Variants in MIGA1 observed in about 807,000 individuals in gnomAD.
MIGA1 encodes family with sequence similarity 73, member A.
A neutral mutation model predicts 82.0 loss-of-function variants in MIGA1; 58 were observed. The ratio of observed to expected loss-of-function variants is 0.71; its 90% CI spans 0.57 to 0.88. The LOEUF is 0.88. Among genes scored for constraint, MIGA1 ranks in the 40% least tolerant of loss-of-function variants. The pLI, the probability that MIGA1 is intolerant of heterozygous loss-of-function variation, is 0.00. For missense variants in MIGA1, 751 were observed against 749.1 expected (o/e 1.00, Z -0.03); for synonymous variants, 249 against 253.6 (o/e 0.98, Z 0.17).
chr1:77,832,661 A>G (rs1684283353), intron 7 of MIGA1, among the ~76,000 whole-genome samples: 3 of 152,212 alleles, frequency 2.0e-5, no homozygotes, highest in Admixed American at 6.5e-5. Flanking sequence ...TTAGGGAACT[A>G]CAAGTTCTTT....
intron 7 of MIGA1, among the ~76,000 whole-genome samples, chr1:77,821,728 A>G (rs538021517): frequency 6.6e-6 from 1 of 152,266 alleles, no homozygotes; most frequent in East Asian, 1.9e-4. Flanking sequence ...CATCTAACGT[A>G]TTAATTATTC....
intron 2 of MIGA1, among the ~76,000 whole-genome samples, chr1:77,794,657 T>C (rs1682578675): frequency 6.6e-6 from 1 of 152,158 alleles, no homozygotes; most frequent in Admixed American, 6.5e-5. Context: ...GGAGGATTAC[T>C]TGAACACAGT....
intron 7 of MIGA1, among the ~76,000 whole-genome samples, chr1:77,817,607 A>G (rs1335769082): frequency 6.6e-6 from 1 of 152,202 alleles, no homozygotes; most frequent in Non-Finnish European, 1.5e-5. Context: ...GCAAGTTTGC[A>G]TTTTTGAACT....
At position 77,779,733 on chromosome 1, in the gene MIGA1, C is replaced by T. The variant is rs1224652352; in HGVS notation, c.78C>T (p.Leu26=). The change falls in exon 1 of 16, where the codon CTC becomes CTT. Residue 26 remains leucine (L), a synonymous_variant. Coordinates refer to ENST00000370791, the MANE Select transcript of MIGA1 (RefSeq NM_198549.4). ...GGCCAGCTGTACCTGGCCTGGAGCT[C>T]CAGGTACAGGGCCAGGGGCGGGGTG... 7 of 1,571,502 alleles carry T rather than the reference C, an allele frequency of 4.5e-6. No homozygotes were observed. The highest frequency in any genetic ancestry group is 6.0e-6 in the Non-Finnish European group (7 of 1,158,672).
At chr1:77,802,185 A>T (rs1384270282) in intron 3 of MIGA1, among the ~76,000 whole-genome samples, 1 of 152,150 alleles carries the variant, frequency 6.6e-6, no homozygotes, top group Non-Finnish European at 1.5e-5. Context: ...TGCTTTTGTG[A>T]GTCATCTGTC....
chr1:77,783,751 A>T (rs1295305231), intron 2 of MIGA1, among the ~76,000 whole-genome samples: 1 of 152,210 alleles, frequency 6.6e-6, no homozygotes, highest in Non-Finnish European at 1.5e-5. Flanking sequence ...GTACATTCAC[A>T]TTGTTGTACA....
intron 3 of MIGA1, among the ~76,000 whole-genome samples, chr1:77,801,864 A>T (rs1431518082): frequency 1.3e-5 from 2 of 152,182 alleles, no homozygotes; most frequent in Non-Finnish European, 2.9e-5. Context: ...AAGATATTTG[A>T]CAGTGTGGAA....
chr1:77,792,857 C>T (rs555251821), intron 2 of MIGA1, among the ~76,000 whole-genome samples: 1 of 147,612 alleles, frequency 6.8e-6, no homozygotes, highest in East Asian at 2.0e-4. Context: ...GGCGCGATCT[C>T]AGCTCACTGC....
Position 77,843,445 on chromosome 1 carries a change from T to C in MIGA1, c.996+38T>C, listed in dbSNP as rs372543451. 44 of 1,491,258 alleles carry C rather than the reference T, an allele frequency of 3.0e-5. 1 individual carries two copies. The African/African-American group carries it at 3.2e-4, about 11-fold the overall frequency. The allele number at this position is 1,491,258 out of a possible 1,614,324, so 92.4% of individuals were successfully genotyped here. A position where few individuals can be genotyped will look rare whatever the true frequency, so the allele number is the denominator to read the frequency against. On this transcript the variant is annotated intron_variant, in intron 8 of 15. Transcript: ENST00000370791. ...TGTTCCTAATGAGGATTTCTGTTTCTTTTTTGGTGGAAACAACAGTCTTGT... is the reference window on the plus strand; with the variant it reads ...TGTTCCTAATGAGGATTTCTGTTTCCTTTTTGGTGGAAACAACAGTCTTGT...
intron 2 of MIGA1, among the ~76,000 whole-genome samples, chr1:77,796,572 A>G (rs561060027): frequency 1.2e-4 from 19 of 152,246 alleles, no homozygotes; most frequent in African/African-American, 4.3e-4. Flanking sequence ...ACAGGCAGGT[A>G]CCACTGCAGT....
At chr1:77,850,381 CCCAATTT>C (rs1382375847) in intron 8 of MIGA1, among the ~76,000 whole-genome samples, 1 of 152,130 alleles carries the variant, frequency 6.6e-6, no homozygotes. Flanking sequence ...TCATTGAAGA[CCCAATTT>C]GGAGGGTGGC....
chr1:77,787,071 G>A (rs1189548869), intron 2 of MIGA1, among the ~76,000 whole-genome samples: 2 of 152,204 alleles, frequency 1.3e-5, no homozygotes, highest in Admixed American at 6.5e-5. Flanking sequence ...CATGGCAGCC[G>A]CAAGAGAGAG....
At chr1:77,865,117 G>A (rs1192975037) in intron 13 of MIGA1, among the ~76,000 whole-genome samples, 1 of 151,602 alleles carries the variant, frequency 6.6e-6, no homozygotes, top group East Asian at 1.9e-4. Context: ...TCATGCCAGA[G>A]TGGGGTCAGA....
At chr1:77,841,995 T>C (rs1392392939) in intron 7 of MIGA1, among the ~76,000 whole-genome samples, 1 of 150,636 alleles carries the variant, frequency 6.6e-6, no homozygotes, top group East Asian at 2.0e-4. Flanking sequence ...TTTCCCAGGC[T>C]GGTCTCAAAA....
intron 2 of MIGA1, among the ~76,000 whole-genome samples, chr1:77,790,710 A>G (rs949291055): frequency 4.7e-5 from 7 of 150,074 alleles, no homozygotes; most frequent in Non-Finnish European, 3.0e-5. Flanking sequence ...CCTCAGCCCC[A>G]TGAGTAGCTG....
intron 2 of MIGA1, among the ~76,000 whole-genome samples, chr1:77,785,436 C>T (rs190204619): frequency 9.2e-5 from 14 of 152,108 alleles, no homozygotes; most frequent in Non-Finnish European, 1.5e-4. Flanking sequence ...CTCTGCCTCC[C>T]GAGTTCAAGC....
At position 77,803,309 on chromosome 1, in the gene MIGA1, C is replaced by T; in HGVS notation, c.413C>T (p.Ser138Phe). 1 of 1,551,176 alleles carries T rather than the reference C, an allele frequency of 6.4e-7. No homozygotes were observed. Among genetic ancestry groups the T allele is most frequent in the African/African-American group, 1.4e-5 (1 of 72,472 alleles). Residue 138 changes from serine to phenylalanine, a missense_variant, in exon 4 of 16, where the codon TCT becomes TTT. Ser to Phe is a radical substitution (Grantham distance 155). This residue lies in a region of MIGA1 where 482 missense variants were observed against 439.4 expected (regional missense o/e 1.10). Transcript: ENST00000370791. The stretch of plus-strand genomic sequence containing the variant: ...AGTAGCAGACAGAATTTGACATTAT[C>T]TTTAAGTTCTACCAAAGACAAAGGA...
In MIGA1 at chr1:77,875,050, G is replaced by A. The variant is rs529460585; in HGVS notation, c.1885G>A (p.Ala629Thr). The change falls in exon 16 of 16, where the codon GCC (alanine) becomes ACC (threonine). Residue 629 changes from alanine (A) to threonine (T), a missense_variant. By Grantham distance (58) the Ala-to-Thr change is moderately conservative (BLOSUM62 0). Coordinates refer to ENST00000370791, the MANE Select transcript of MIGA1 (RefSeq NM_198549.4). Reference sequence around the variant, plus strand: ...TGTTATGTCCACTGGGCTACTGGAAGCCAAAGTACAATAAGTACCATAAGA... The same window carrying A: ...TGTTATGTCCACTGGGCTACTGGAAACCAAAGTACAATAAGTACCATAAGA... 2.2e-5 allele frequency: 36 copies of A among 1,612,564 alleles called. No individual in the cohort carries two copies. The highest frequency in any genetic ancestry group is 2.5e-5 in the Non-Finnish European group (29 of 1,178,834).
chr1:77,854,333 G>T (rs1024362065), intron 8 of MIGA1, among the ~76,000 whole-genome samples: 4 of 152,124 alleles, frequency 2.6e-5, no homozygotes, highest in African/African-American at 7.2e-5. Context: ...TCACAATTTT[G>T]CTATTGTGAA....
Sources: allele counts gnomAD v4.1 joint callset (sites outside exome capture counted in the v4.1 genomes callset), GRCh38; gene constraint gnomAD v4.1.1; regional missense constraint gnomAD v4.1.1; transcripts MANE v1.5; gene names NCBI Gene and HGNC (gene_info 2026-07-23, HGNC 2026-07-21).